The following HESX1 variants were observed in gnomAD, a reference collection of about 807,000 sequenced individuals.
HESX1 encodes the protein HESX homeobox 1.
Under a neutral mutation model 22.5 loss-of-function variants are expected in HESX1, and 11 were observed. The observed-to-expected ratio is 0.49, with a 90% CI of 0.31 to 0.81. The LOEUF (loss-of-function observed/expected upper bound fraction) is 0.81, where lower values mean the gene tolerates loss of function less well. Among genes scored for constraint, HESX1 ranks in the 30% least tolerant of loss-of-function variants. The probability of loss-of-function intolerance (pLI) is 0.05; values close to 1 mark genes in which losing one functional copy is unlikely to be tolerated. For synonymous variants in HESX1, 74 were observed against 76.5 expected, an observed-to-expected ratio of 0.97 and a Z score of 0.17; for missense variants, 201 against 212.6, an observed-to-expected ratio of 0.95 and a Z score of 0.34.
chr3:57,204,919 C>T (rs1162337916), upstream of HESX1, among the ~76,000 whole-genome samples: 2 of 152,176 alleles, frequency 1.3e-5, no homozygotes, highest in East Asian at 1.9e-4. Flanking sequence ...AAAGGAGCAG[C>T]TAGCAAGACA....
upstream of HESX1, among the ~76,000 whole-genome samples, chr3:57,202,215 G>A (rs780668134): frequency 3.9e-5 from 6 of 151,990 alleles, no homozygotes; most frequent in Non-Finnish European, 7.4e-5. Context: ...CACCACGCCC[G>A]GCTGGATTTA....
At chr3:57,206,329 T>A (rs180974248) in intron 1 of HESX1, among the ~76,000 whole-genome samples, 11 of 152,302 alleles carry the variant, frequency 7.2e-5, no homozygotes, top group African/African-American at 2.6e-4. Flanking sequence ...CTAGGTTTGT[T>A]AACAAAGAGG....
Position 57,212,557 on chromosome 3 carries a change from C to CAAAAAAAAAAAAAAA in HESX1, c.-110-12544_-110-12530dup, listed in dbSNP as rs56093005. 4.3e-3 allele frequency among the ~76,000 whole-genome samples: 342 copies of CAAAAAAAAAAAAAAA among 80,012 alleles called. 20 individuals are homozygous for CAAAAAAAAAAAAAAA. Among genetic ancestry groups the CAAAAAAAAAAAAAAA allele is most frequent in the African/African-American group, 0.018 (323 of 18,190 alleles). The allele number at this position is 80,012 out of a possible 152,430, so 52.5% of individuals were successfully genotyped here. A position where few individuals can be genotyped will look rare whatever the true frequency, so the allele number is the denominator to read the frequency against. ...CTGGGGACAGAGCAAGACTCTGTCT[C>CAAAAAAAAAAAAAAA]AAAAAAAAAAAAAAAAAGATTCATT... On this transcript the variant is annotated intron_variant, in intron 1 of 2. Transcript: ENST00000495160.
intron 2 of HESX1, 49 bp downstream of exon 2, chr3:57,198,704 G>A: frequency 6.5e-7 from 1 of 1,538,824 alleles, no homozygotes; most frequent in Non-Finnish European, 9.0e-7. Context: ...TCAACTTGGT[G>A]TCAATTAAAG....
At chr3:57,227,461 G>A (rs994624455), upstream of HESX1, among the ~76,000 whole-genome samples, 5 of 152,236 alleles carry the variant, frequency 3.3e-5, no homozygotes, top group African/African-American at 1.2e-4. Context: ...ATTCCCCCGT[G>A]TGGCCCTAAC....
chr3:57,198,083 G>A lies in HESX1; in HGVS notation c.*114C>T, dbSNP rs747701312. On this transcript the variant is annotated 3_prime_UTR_variant, in exon 4 of 4. Transcript: ENST00000295934. Reference sequence around the variant, plus strand: ...TTTACAATATATTTTCAGAAAAAATGACAATATTCAGATTAAATGCAGGAA... The same window carrying A: ...TTTACAATATATTTTCAGAAAAAATAACAATATTCAGATTAAATGCAGGAA... 5.2e-6 allele frequency: 4 copies of A among 762,728 alleles called. No individual in the cohort carries two copies. The highest frequency in any genetic ancestry group is 9.0e-6 in the Non-Finnish European group (4 of 443,930). 47.2% of individuals were successfully genotyped at this position (762,728 alleles called of 1,614,324 possible).
intron 1 of HESX1, among the ~76,000 whole-genome samples, chr3:57,217,227 C>T (rs745667260): frequency 6.6e-6 from 1 of 152,112 alleles, no homozygotes; most frequent in East Asian, 1.9e-4. Flanking sequence ...CTTCCAGGCC[C>T]TCTCAGTGGA....
intron 1 of HESX1, among the ~76,000 whole-genome samples, chr3:57,206,656 T>C (rs1350748229): frequency 2.6e-5 from 4 of 152,130 alleles, no homozygotes; most frequent in Admixed American, 1.3e-4. Flanking sequence ...CAAGGGCAAA[T>C]AACTTTAGCA....
chr3:57,220,721 A>G (rs1042588175), intron 1 of HESX1, among the ~76,000 whole-genome samples: 3 of 152,002 alleles, frequency 2.0e-5, no homozygotes, highest in African/African-American at 7.3e-5. Flanking sequence ...ATGAGCCACC[A>G]TGCCTGGCCA....
intron 1 of HESX1, among the ~76,000 whole-genome samples, chr3:57,220,258 G>T (rs2060608123): frequency 1.3e-5 from 2 of 152,140 alleles, no homozygotes; most frequent in South Asian, 4.1e-4. Flanking sequence ...AGCAGAGCAT[G>T]AAGTCATTTT....
intron 1 of HESX1, among the ~76,000 whole-genome samples, chr3:57,205,881 C>T (rs2060517234): frequency 1.3e-5 from 2 of 152,086 alleles, no homozygotes; most frequent in South Asian, 2.1e-4. Context: ...GTGTCCTGTT[C>T]ACTCCCTAGC....
At chr3:57,225,310 C>A (rs1036865730) in intron 1 of HESX1, among the ~76,000 whole-genome samples, 1 of 152,196 alleles carries the variant, frequency 6.6e-6, no homozygotes, top group Non-Finnish European at 1.5e-5. Context: ...CTCCATCCAA[C>A]TGAATGTGAA....
At chr3:57,205,422 A>G (rs550123033) in intron 1 of HESX1, among the ~76,000 whole-genome samples, 152 of 152,170 alleles carry the variant, frequency 1.0e-3, no homozygotes, top group Middle Eastern at 3.4e-3. Context: ...AAACACAAAC[A>G]CAACTCCCCA....
At chr3:57,216,206 C>T (rs2060581869) in intron 1 of HESX1, among the ~76,000 whole-genome samples, 1 of 152,206 alleles carries the variant, frequency 6.6e-6, no homozygotes, top group Admixed American at 6.5e-5. Flanking sequence ...TCAATTGTGT[C>T]TCTTAAGTCT....
upstream of HESX1, among the ~76,000 whole-genome samples, chr3:57,227,575 T>C (rs958208801): frequency 2.0e-5 from 3 of 152,300 alleles, no homozygotes; most frequent in South Asian, 2.1e-4. Flanking sequence ...GGGCAGACAC[T>C]GCCACCTCCG....
intron 1 of HESX1, among the ~76,000 whole-genome samples, chr3:57,212,686 C>T (rs1251994022): frequency 6.6e-6 from 1 of 152,044 alleles, no homozygotes; most frequent in African/African-American, 2.4e-5. Context: ...TTTACTTTTA[C>T]CCCATCTTAC....
At chr3:57,217,994 T>C (rs2060592500) in intron 1 of HESX1, among the ~76,000 whole-genome samples, 1 of 152,186 alleles carries the variant, frequency 6.6e-6, no homozygotes, top group Admixed American at 6.5e-5. Flanking sequence ...CCCCCATGGC[T>C]TCTCCACTTT....
chr3:57,204,258 A>G (rs544322844), upstream of HESX1, among the ~76,000 whole-genome samples: 33 of 152,146 alleles, frequency 2.2e-4, no homozygotes, highest in African/African-American at 6.5e-4. Flanking sequence ...AGCTCAAGCA[A>G]TCTTTCTGCT....
intron 1 of HESX1, 35 bp from the exon 2 acceptor site, chr3:57,198,987 T>C (rs754783591): frequency 1.7e-5 from 26 of 1,568,932 alleles, no homozygotes; most frequent in Non-Finnish European, 2.3e-5. Flanking sequence ...TCTTAGATGG[T>C]CAATCTTATG....
Sources: allele counts gnomAD v4.1 joint callset (sites outside exome capture counted in the v4.1 genomes callset), GRCh38; gene constraint gnomAD v4.1.1; transcripts MANE v1.5; gene names NCBI Gene and HGNC (gene_info 2026-07-23, HGNC 2026-07-21).